Variants in CPEB1 observed in about 807,000 individuals in gnomAD.
The protein encoded by CPEB1 is cytoplasmic polyadenylation element-binding protein 1.
CPEB1 carries 7 observed loss-of-function variants against 65.8 expected under a neutral mutation model. The observed-to-expected ratio is 0.11, with a 90% CI of 0.06 to 0.20. The LOEUF (loss-of-function observed/expected upper bound fraction) is 0.20. Among genes scored for constraint, CPEB1 ranks in the 10% least tolerant of loss-of-function variants. The pLI, the probability that CPEB1 is intolerant of heterozygous loss-of-function variation, is 1.00. For synonymous variants in CPEB1, 262 were observed against 260.0 expected, an observed-to-expected ratio of 1.01 and a Z score of -0.08; for missense variants, 551 against 712.2, an observed-to-expected ratio of 0.77 and a Z score of 2.58.
rs538756726 is a variant in CPEB1, at chr15:82,613,300, GA to G, written c.271+13892del. On this transcript the variant is annotated intron_variant, in intron 3 of 12. Coordinates refer to ENST00000684509, the MANE Select transcript of CPEB1 (RefSeq NM_001365242.1). ...TTATTCCTACATCTATAGAATAAAG[GA>G]GAAAGGTTAAATGAATAGATGCAGA... Among the ~76,000 whole-genome samples the G allele has an allele frequency of 9.3e-4, 141 of 152,274 alleles. 2 individuals are homozygous for G. The South Asian group carries it at 0.029, about 31-fold the overall frequency.
intron 3 of CPEB1, among the ~76,000 whole-genome samples, chr15:82,593,096 C>CATT (rs2042392595): frequency 1.3e-5 from 2 of 152,172 alleles, no homozygotes. Flanking sequence ...TGGCTGCTGA[C>CATT]ATAAGGGTGG....
chr15:82,578,139 C>CA (rs200005732), intron 3 of CPEB1, among the ~76,000 whole-genome samples: 28 of 146,878 alleles, frequency 1.9e-4, no homozygotes, highest in Middle Eastern at 3.4e-3. Flanking sequence ...GACTCCGTCT[C>CA]AAAAAAAAAT....
At chr15:82,614,944 A>C (rs1003644847) in intron 3 of CPEB1, among the ~76,000 whole-genome samples, 1 of 152,070 alleles carries the variant, frequency 6.6e-6, no homozygotes, top group Non-Finnish European at 1.5e-5. Context: ...ACACTATCAC[A>C]ATCACTATCA....
chr15:82,620,578 G>C (rs1037612564), intron 3 of CPEB1, among the ~76,000 whole-genome samples: 1 of 152,080 alleles, frequency 6.6e-6, no homozygotes, highest in Non-Finnish European at 1.5e-5. Flanking sequence ...CAAGGAATTT[G>C]CTTAAGCCCA....
At chr15:82,591,104 A>G (rs1180471536) in intron 3 of CPEB1, among the ~76,000 whole-genome samples, 3 of 152,162 alleles carry the variant, frequency 2.0e-5, no homozygotes, top group Non-Finnish European at 4.4e-5. Context: ...TATTTTCCAC[A>G]ATGGCTGAAC....
chr15:82,585,577 T>G (rs904940855), intron 3 of CPEB1, among the ~76,000 whole-genome samples: 1 of 152,150 alleles, frequency 6.6e-6, no homozygotes, highest in Non-Finnish European at 1.5e-5. Context: ...TTTACAAGCA[T>G]TAAAGCCATG....
At chr15:82,624,448 C>T (rs11858177) in intron 3 of CPEB1, among the ~76,000 whole-genome samples, 3,373 of 152,228 alleles carry the variant, frequency 0.022, 113 homozygotes, top group African/African-American at 0.077. Context: ...TATCTCACTG[C>T]CCAGGGTCAA....
At chr15:82,640,554 G>C (rs1458812163) in intron 1 of CPEB1, 1 of 152,004 alleles carries the variant, frequency 6.6e-6, no homozygotes, top group Non-Finnish European at 1.5e-5. Context: ...TGCCTGTTTT[G>C]GCAATAACCT....
At chr15:82,584,575 G>A (rs1327529783) in intron 3 of CPEB1, among the ~76,000 whole-genome samples, 2 of 151,070 alleles carry the variant, frequency 1.3e-5, no homozygotes, top group Non-Finnish European at 2.9e-5. Context: ...CTACTCTAGA[G>A]GCTGAGGCAG....
chr15:82,644,545 A>G (rs900630064), intron 1 of CPEB1, among the ~76,000 whole-genome samples: 4 of 152,292 alleles, frequency 2.6e-5, no homozygotes, highest in Non-Finnish European at 4.4e-5. Flanking sequence ...TAGTGTTTAA[A>G]ATTTTTTTAA....
intron 3 of CPEB1, among the ~76,000 whole-genome samples, chr15:82,614,938 T>A (rs903025670): frequency 1.1e-4 from 17 of 152,002 alleles, no homozygotes; most frequent in African/African-American, 4.1e-4. Context: ...ATACCCACAC[T>A]ATCACAATCA....
At chr15:82,554,837 G>A (rs1315551731) in intron 6 of CPEB1, among the ~76,000 whole-genome samples, 2 of 152,224 alleles carry the variant, frequency 1.3e-5, no homozygotes, top group Non-Finnish European at 2.9e-5. Flanking sequence ...ACTGGGCAAT[G>A]TCAGCAATCT....
chr15:82,609,743 C>T (rs2043955757), intron 3 of CPEB1, among the ~76,000 whole-genome samples: 1 of 151,690 alleles, frequency 6.6e-6, no homozygotes, highest in African/African-American at 2.4e-5. Context: ...ATACTACCAA[C>T]CTTACAGAAA....
At chr15:82,576,961 G>A (rs2040713721) in intron 3 of CPEB1, among the ~76,000 whole-genome samples, 1 of 152,100 alleles carries the variant, frequency 6.6e-6, no homozygotes, top group East Asian at 1.9e-4. Context: ...GGAGGCAGAG[G>A]ATGCAGTGAG....
At chr15:82,576,791 C>T (rs982011625) in intron 3 of CPEB1, among the ~76,000 whole-genome samples, 7 of 152,092 alleles carry the variant, frequency 4.6e-5, no homozygotes, top group South Asian at 2.1e-4. Flanking sequence ...GTGAGGCCAA[C>T]GCAGGTGGAT....
chr15:82,576,929 G>C (rs1298961844), intron 3 of CPEB1, among the ~76,000 whole-genome samples: 2 of 152,158 alleles, frequency 1.3e-5, no homozygotes, highest in East Asian at 3.9e-4. Context: ...GGTGGCTGAG[G>C]TGGAAGGATC....
chr15:82,640,154 G>A (rs961899513), intron 1 of CPEB1, among the ~76,000 whole-genome samples: 2 of 152,082 alleles, frequency 1.3e-5, no homozygotes, highest in Non-Finnish European at 2.9e-5. Flanking sequence ...ACAGGCGTTT[G>A]TTGTTTTGTC....
intron 1 of CPEB1, chr15:82,638,474 C>T (rs1320023090): frequency 2.0e-5 from 3 of 152,214 alleles, no homozygotes; most frequent in African/African-American, 7.2e-5. Context: ...AGATAAAGGT[C>T]TTCCAAAATT....
rs587697619 is a variant in CPEB1, at chr15:82,643,898, A to T, written c.-98+3239T>A. 5.3e-5 allele frequency among the ~76,000 whole-genome samples: 8 copies of T among 152,332 alleles called. No individual in the cohort carries two copies. In the South Asian group the frequency reaches 1.5e-3, roughly 28 times the overall value. The stretch of plus-strand genomic sequence containing the variant: ...TATGGGAATCTTAGCTAAGACAGAC[A>T]AGGTGAGATTTAGTAAGCTCCATGT... On this transcript the variant is annotated intron_variant, in intron 1 of 12. Coordinates refer to ENST00000684509, the MANE Select transcript of CPEB1 (RefSeq NM_001365242.1).
Sources: gnomAD v4.1 joint callset for allele counts (sites outside exome capture counted in the v4.1 genomes callset) on GRCh38, gnomAD v4.1.1 for gene constraint, MANE v1.5 for transcripts, NCBI Gene and HGNC (gene_info 2026-07-23, HGNC 2026-07-21) for gene names.